Variants in AREL1 observed in about 807,000 individuals in gnomAD.
AREL1 encodes apoptosis-resistant E3 ubiquitin protein ligase 1.
A neutral mutation model predicts 99.0 loss-of-function variants in AREL1; 62 were observed. The observed-to-expected ratio is 0.63, with a 90% confidence interval of 0.51 to 0.77. The LOEUF is 0.77. AREL1 is among the 30% of genes least tolerant of loss of function. The pLI, the probability that AREL1 is intolerant of heterozygous loss-of-function variation, is 0.00. For missense variants in AREL1, 879 were observed against 1,027.6 expected, an observed-to-expected ratio of 0.86 and a Z score of 1.98; for synonymous variants, 380 against 376.5, an observed-to-expected ratio of 1.01 and a Z score of -0.11.
intron 8 of AREL1, 92 bp from the exon 9 acceptor site, chr14:74,674,203 A>G: frequency 9.5e-7 from 1 of 1,057,750 alleles, no homozygotes; most frequent in East Asian, 2.6e-5. Flanking sequence ...CCCTATTTAC[A>G]TTTCTCATAA....
At chr14:74,671,983 A>C (rs1311153194) in intron 11 of AREL1, 1 of 455,296 alleles carries the variant, frequency 2.2e-6, no homozygotes, top group African/African-American at 2.0e-5. Flanking sequence ...GCCAAACATC[A>C]CAAACACTTT....
In AREL1 at chr14:74,685,582, G is replaced by A. The variant is rs1247557695; in HGVS notation, c.16+18C>T. 6.8e-6 allele frequency: 11 copies of A among 1,613,776 alleles called. No homozygotes were observed. The highest frequency in any genetic ancestry group is 8.5e-6 in the Non-Finnish European group (10 of 1,179,824). ...CCTTTACAAAAATATAATAGAGAGA[G>A]CTCTTTCCATAACGTACCAATAACG... On this transcript the variant is annotated intron_variant, in intron 3 of 19. Coordinates refer to ENST00000356357, the MANE Select transcript of AREL1 (RefSeq NM_001039479.2).
chr14:74,683,223 A>C, intron 5 of AREL1, 73 bp downstream of exon 5: 2 of 1,097,356 alleles, frequency 1.8e-6, no homozygotes, highest in Non-Finnish European at 2.6e-6. Context: ...TATTATTTTT[A>C]AAAAGGAAAG....
intron 1 of AREL1, among the ~76,000 whole-genome samples, chr14:74,701,137 C>G (rs2090078156): frequency 6.6e-6 from 1 of 151,928 alleles, no homozygotes. Flanking sequence ...TCAGAAGCAA[C>G]AGGATCAATG....
At chr14:74,677,914 G>C (rs2089530405) in intron 5 of AREL1, among the ~76,000 whole-genome samples, 1 of 149,556 alleles carries the variant, frequency 6.7e-6, no homozygotes, top group Non-Finnish European at 1.5e-5. Flanking sequence ...CAAACCCTAA[G>C]TAAAATGAAA....
At chr14:74,673,565 C>T (rs2139881278) in intron 9 of AREL1, among the ~76,000 whole-genome samples, 2 of 152,310 alleles carry the variant, frequency 1.3e-5, no homozygotes, top group Non-Finnish European at 1.5e-5. Flanking sequence ...TAAATGACTA[C>T]TCCAAACTGA....
At chr14:74,669,016 T>C (rs1294763124) in intron 15 of AREL1, among the ~76,000 whole-genome samples, 2 of 151,868 alleles carry the variant, frequency 1.3e-5, no homozygotes, top group Non-Finnish European at 2.9e-5. Flanking sequence ...CCTCCCACAC[T>C]ACCCCAGTAG....
At chr14:74,684,343 AG>A (rs1594767901) in intron 4 of AREL1, 110 bp downstream of exon 4, 1 of 916,756 alleles carries the variant, frequency 1.1e-6, no homozygotes, top group East Asian at 2.6e-5. Context: ...TAGTTCCTGG[AG>A]GGAGTTGAAA....
intron 5 of AREL1, chr14:74,678,403 C>T (rs887982307): frequency 2.1e-5 from 6 of 287,626 alleles, no homozygotes; most frequent in African/African-American, 1.2e-4. Flanking sequence ...GAGGTTGAGG[C>T]AGGAGGATCA....
intron 1 of AREL1, among the ~76,000 whole-genome samples, chr14:74,700,080 G>A (rs2090055332): frequency 6.6e-6 from 1 of 152,248 alleles, no homozygotes; most frequent in African/African-American, 2.4e-5. Flanking sequence ...TTTCCAGAGA[G>A]ATTCCATGTG....
rs575617162 is a variant in AREL1, at chr14:74,698,406, T to A, written c.-333-6078A>T. On this transcript the variant is annotated intron_variant, in intron 1 of 19. Coordinates refer to ENST00000356357, the MANE Select transcript of AREL1 (RefSeq NM_001039479.2). ...CCCTGATGCCCAAATCTGGGAGGCA[T>A]GAAATGGGGTTACAGTCTAATTCAC... Among the ~76,000 whole-genome samples the A allele has an allele frequency of 2.0e-5, 3 of 152,308 alleles. No homozygotes were observed. The East Asian group carries it at 5.8e-4, about 29-fold the overall frequency.
At chr14:74,701,009 C>T (rs2090076445) in intron 1 of AREL1, among the ~76,000 whole-genome samples, 1 of 152,050 alleles carries the variant, frequency 6.6e-6, no homozygotes, top group Admixed American at 6.6e-5. Flanking sequence ...ATACACTGGC[C>T]ACAATATAGA....
intron 12 of AREL1, 29 bp downstream of exon 12, chr14:74,671,379 A>G (rs1264797316): frequency 7.3e-7 from 1 of 1,372,520 alleles, no homozygotes; most frequent in Non-Finnish European, 9.9e-7. Context: ...GAGAGTTCAA[A>G]AAGATGAATA....
intron 6 of AREL1, 54 bp downstream of exon 6, chr14:74,676,529 A>C: frequency 6.4e-7 from 1 of 1,567,012 alleles, no homozygotes; most frequent in Non-Finnish European, 8.7e-7. Flanking sequence ...TGAGAATAAC[A>C]GAGAAAGGAG....
chr14:74,691,354 C>G (rs1048892107), intron 2 of AREL1, among the ~76,000 whole-genome samples: 1 of 131,638 alleles, frequency 7.6e-6, no homozygotes, highest in Non-Finnish European at 1.6e-5. Flanking sequence ...AAAAAGCCTA[C>G]GTCTAACTCC....
At position 74,712,981 on chromosome 14, in the gene AREL1, GA is replaced by G. The variant is rs776325534; in HGVS notation, c.-383del. On this transcript the variant is annotated 5_prime_UTR_variant, in exon 1 of 20. Coordinates refer to ENST00000356357, the MANE Select transcript of AREL1 (RefSeq NM_001039479.2). Reference sequence around the variant, plus strand: ...CGAAGTTCCACCTCCGCTGTCCTGGGAAGGGGCGGCAGCACTCAGCAGAAGA... The same window carrying G: ...CGAAGTTCCACCTCCGCTGTCCTGGGAGGGGCGGCAGCACTCAGCAGAAGA... 7 of 761,102 alleles carry G rather than the reference GA, an allele frequency of 9.2e-6. No homozygotes were observed. In the South Asian group the frequency reaches 1.0e-4, roughly 11 times the overall value. 47.1% of individuals were successfully genotyped at this position (761,102 alleles called of 1,614,324 possible). A position where few individuals can be genotyped will look rare whatever the true frequency, so the allele number is the denominator to read the frequency against.
At chr14:74,684,829 T>G in intron 3 of AREL1, 149 bp from the exon 4 acceptor site, 1 of 678,888 alleles carries the variant, frequency 1.5e-6, no homozygotes, top group African/African-American at 1.8e-5. Flanking sequence ...GCACTACCTC[T>G]GTAGATAAGA....
intron 3 of AREL1, among the ~76,000 whole-genome samples, chr14:74,685,088 T>C (rs942021850): frequency 1.3e-5 from 2 of 152,214 alleles, no homozygotes; most frequent in African/African-American, 4.8e-5. Context: ...CTGCATATAA[T>C]GTCCGCCCTG....
chr14:74,688,352 C>T (rs1339446085), intron 2 of AREL1, among the ~76,000 whole-genome samples: 10 of 152,052 alleles, frequency 6.6e-5, no homozygotes, highest in Admixed American at 3.9e-4. Context: ...GTGCCAGGTA[C>T]AGGGAGGACA....
Sources: allele counts gnomAD v4.1 joint callset (sites outside exome capture counted in the v4.1 genomes callset), GRCh38; gene constraint gnomAD v4.1.1; transcripts MANE v1.5; gene names NCBI Gene and HGNC (gene_info 2026-07-23, HGNC 2026-07-21).